Variants in EXOC1 observed in about 807,000 individuals in gnomAD.
The protein encoded by EXOC1 is SEC3-like 1.
A neutral mutation model predicts 107.7 loss-of-function variants in EXOC1; 67 were observed. The ratio of observed to expected loss-of-function variants is 0.62; its 90% CI spans 0.51 to 0.76. EXOC1 has a LOEUF of 0.76. Among genes scored for constraint, EXOC1 ranks in the 30% least tolerant of loss-of-function variants. EXOC1 has a pLI of 0.00. For synonymous variants in EXOC1, 348 were observed against 353.5 expected (o/e 0.98, Z 0.17); for missense variants, 833 against 1,055.7 (o/e 0.79, Z 2.92).
At chr4:55,903,196 A>G (rs1293292794) in intron 18 of EXOC1, among the ~76,000 whole-genome samples, 1 of 151,868 alleles carries the variant, frequency 6.6e-6, no homozygotes, top group Non-Finnish European at 1.5e-5. Flanking sequence ...AGAAAGAGAA[A>G]GAAAGAAAAT....
intron 5 of EXOC1, 188 bp downstream of exon 5, chr4:55,868,711 A>G: frequency 2.2e-6 from 1 of 459,092 alleles, no homozygotes; most frequent in Non-Finnish European, 3.7e-6. Flanking sequence ...ATTCCTGTTA[A>G]GCCAATGAAG....
Position 55,871,909 on chromosome 4 carries a change from T to A in EXOC1, c.1025T>A (p.Leu342His). The change falls in exon 8 of 19, where the codon CTT becomes CAT. Residue 342 changes from leucine (L) to histidine (H), a missense_variant. Physicochemically the swap from Leu to His is moderately conservative, Grantham distance 99 (BLOSUM62 -3). Transcript: ENST00000381295. ...CAGCGATTCAGTGATTTGCGAGAGCTTTTTGCCCGGAGACTGGCCAGTCAC... is the reference window on the plus strand; with the variant it reads ...CAGCGATTCAGTGATTTGCGAGAGCATTTTGCCCGGAGACTGGCCAGTCAC... ...QQQRFSDLRE[L>H]FARRLASHLN... The A allele has an allele frequency of 1.9e-6, 3 of 1,613,816 alleles. No homozygotes were observed. The highest frequency in any genetic ancestry group is 2.5e-6 in the Non-Finnish European group (3 of 1,179,786).
At chr4:55,873,224 A>G (rs6839592) in intron 8 of EXOC1, among the ~76,000 whole-genome samples, 1 of 152,090 alleles carries the variant, frequency 6.6e-6, no homozygotes, top group Admixed American at 6.6e-5. Flanking sequence ...AATATACTCA[A>G]GAGGGATAAA....
Position 55,892,615 on chromosome 4 carries a change from T to C in EXOC1, c.1648-20T>C, listed in dbSNP as rs1418137893. On this transcript the variant is annotated intron_variant, in intron 13 of 18. Transcript: ENST00000381295. The stretch of plus-strand genomic sequence containing the variant: ...ATTGTTGGTCTTTTATTATGTAAAG[T>C]GCCTGAATAATTTTTGCAGGCTGAA... 2 of 1,611,368 alleles carry C rather than the reference T, an allele frequency of 1.2e-6. No individual in the cohort carries two copies. The highest frequency in any genetic ancestry group is 4.5e-5 in the East Asian group (2 of 44,862).
chr4:55,871,942 A>G lies in EXOC1; in HGVS notation c.1058A>G (p.Asn353Ser), dbSNP rs1220241225. 1.2e-6 allele frequency: 2 copies of G among 1,613,290 alleles called. No individual in the cohort carries two copies. Among genetic ancestry groups the G allele is most frequent in the Non-Finnish European group, 1.7e-6 (2 of 1,179,602 alleles). ...FARRLASHLN[N>S]VFVQQGHDQS... is the part of the protein sequence containing the mutation. Reference sequence around the variant, plus strand: ...CGGAGACTGGCCAGTCACCTCAACAATGTTTTTGTTCAACAGGTAATTTTA... The same window carrying G: ...CGGAGACTGGCCAGTCACCTCAACAGTGTTTTTGTTCAACAGGTAATTTTA... The change falls in exon 8 of 19, where the codon AAT becomes AGT. Residue 353 changes from asparagine (N) to serine (S), a missense_variant. By Grantham distance (46) the Asn-to-Ser change is conservative. Transcript: ENST00000381295.
At chr4:55,893,335 G>A (rs1165016158) in intron 14 of EXOC1, among the ~76,000 whole-genome samples, 3 of 152,150 alleles carry the variant, frequency 2.0e-5, no homozygotes, top group African/African-American at 7.2e-5. Context: ...GGCCAAGCTG[G>A]TCTTGAACTC....
intron 8 of EXOC1, chr4:55,872,743 A>C: frequency 3.2e-6 from 3 of 929,924 alleles, no homozygotes; most frequent in Non-Finnish European, 3.8e-6. Context: ...ACTATATTTT[A>C]TTTCCAATTA....
At chr4:55,895,722 A>T (rs905340027) in intron 15 of EXOC1, among the ~76,000 whole-genome samples, 1 of 152,198 alleles carries the variant, frequency 6.6e-6, no homozygotes, top group East Asian at 1.9e-4. Context: ...GAATCCGTGG[A>T]TCGTTTTGAA....
At position 55,858,524 on chromosome 4, in the gene EXOC1, A is replaced by G; in HGVS notation, c.124+77A>G. The G allele has an allele frequency of 2.8e-6, 4 of 1,430,842 alleles. No individual in the cohort carries two copies. In the South Asian group the frequency reaches 5.0e-5, roughly 18 times the overall value. 88.6% of individuals were successfully genotyped at this position (1,430,842 alleles called of 1,614,324 possible). On this transcript the variant is annotated intron_variant, in intron 2 of 18. Coordinates refer to ENST00000381295, the MANE Select transcript of EXOC1 (RefSeq NM_001024924.2). ...AAGATATTTCCTCTTTGTTTTGAATATCCTCATTGTCTCTGTAATTGGAAA... is the reference window on the plus strand; with the variant it reads ...AAGATATTTCCTCTTTGTTTTGAATGTCCTCATTGTCTCTGTAATTGGAAA...
At chr4:55,872,490 A>G (rs1722538268) in intron 8 of EXOC1, among the ~76,000 whole-genome samples, 1 of 152,026 alleles carries the variant, frequency 6.6e-6, no homozygotes, top group African/African-American at 2.4e-5. Flanking sequence ...GAGTGTGGTA[A>G]TAATATTGTT....
chr4:55,882,117 G>GTTGTTGTATT lies in EXOC1; in HGVS notation c.1225-1705_1225-1704insTGTTGTATTT, dbSNP rs371745467. Reference sequence around the variant, plus strand: ...TAGGGTTTTTGTTGTTGTTGTTGTTGTATTGTGTTTTGTTTTGTTTTTGTT... The same window carrying GTTGTTGTATT: ...TAGGGTTTTTGTTGTTGTTGTTGTTGTTGTTGTATTTATTGTGTTTTGTTTTGTTTTTGTT... On this transcript the variant is annotated intron_variant, in intron 9 of 18. Transcript: ENST00000381295. Among the ~76,000 whole-genome samples the GTTGTTGTATT allele has an allele frequency of 4.0e-5, 6 of 151,714 alleles. No homozygotes were observed. The East Asian group carries it at 1.2e-3, about 29-fold the overall frequency.
At position 55,891,428 on chromosome 4, in the gene EXOC1, G is replaced by T. The variant is rs750839977; in HGVS notation, c.1647+6G>T. On this transcript the variant is annotated splice_donor_region_variant and intron_variant, in intron 13 of 18. Transcript: ENST00000381295. ...AAAGTATGCCTGGAACTATGGTATG[G>T]CTCACAGTGTATTTTGGATAGTATT... 2 of 1,554,364 alleles carry T rather than the reference G, an allele frequency of 1.3e-6. No individual in the cohort carries two copies. Among genetic ancestry groups the T allele is most frequent in the East Asian group, 4.5e-5 (2 of 44,476 alleles).
intron 15 of EXOC1, 120 bp downstream of exon 15, chr4:55,893,900 C>T (rs1487055167): frequency 1.5e-5 from 12 of 780,120 alleles, no homozygotes; most frequent in Non-Finnish European, 2.2e-5. Flanking sequence ...TTATGTCCCT[C>T]GAAGCAGGGC....
At chr4:55,903,282 T>G (rs1267068235) in intron 18 of EXOC1, among the ~76,000 whole-genome samples, 8 of 152,134 alleles carry the variant, frequency 5.3e-5, no homozygotes, top group African/African-American at 1.7e-4. Flanking sequence ...AAGTCCAAAT[T>G]AGGCCATTAT....
chr4:55,877,616 G>A, intron 8 of EXOC1: 2 of 985,366 alleles, frequency 2.0e-6, no homozygotes, highest in Non-Finnish European at 2.4e-6. Flanking sequence ...GTATGAGAGA[G>A]ACAAGCTTCA....
chr4:55,891,839 G>A (rs921382503), intron 13 of EXOC1, among the ~76,000 whole-genome samples: 8 of 152,172 alleles, frequency 5.3e-5, no homozygotes, highest in Non-Finnish European at 1.0e-4. Context: ...AGAAAATGAG[G>A]CCTCAGATTT....
In EXOC1 at chr4:55,864,391, A is replaced by G. The variant is rs750588273; in HGVS notation, c.415+5A>G. 1 of 1,596,810 alleles carries G rather than the reference A, an allele frequency of 6.3e-7. No homozygotes were observed. The highest frequency in any genetic ancestry group is 1.3e-5 in the African/African-American group (1 of 74,260). ...TTAGCTCACAGCTTTTGGAAGGTAA[A>G]GTTAAATAAAAATGTATATGTAAAA... On this transcript the variant is annotated splice_donor_5th_base_variant and intron_variant, in intron 4 of 18. Coordinates refer to ENST00000381295, the MANE Select transcript of EXOC1 (RefSeq NM_001024924.2).
intron 8 of EXOC1, chr4:55,875,339 G>A (rs1722795227): frequency 3.3e-6 from 2 of 613,456 alleles, no homozygotes; most frequent in Non-Finnish European, 4.1e-6. Context: ...TTTTTGTGAG[G>A]TTTGTTGGAA....
intron 8 of EXOC1, among the ~76,000 whole-genome samples, chr4:55,872,579 A>AT (rs1424806388): frequency 1.3e-5 from 2 of 152,072 alleles, no homozygotes; most frequent in African/African-American, 2.4e-5. Context: ...TAGGTTTCTT[A>AT]TTTTTTCATC....
Sources: gnomAD v4.1 joint callset for allele counts (sites outside exome capture counted in the v4.1 genomes callset) on GRCh38, gnomAD v4.1.1 for gene constraint, MANE v1.5 for transcripts, NCBI Gene and HGNC (gene_info 2026-07-23, HGNC 2026-07-21) for gene names.